Variants in CLEC16A observed in about 807,000 individuals in gnomAD.
CLEC16A encodes protein CLEC16A.
In CLEC16A, 51 loss-of-function variants were observed where a neutral mutation model predicts 109.5. The ratio of observed to expected loss-of-function variants is 0.47; its 90% CI spans 0.37 to 0.59. CLEC16A has a LOEUF of 0.59. Among genes scored for constraint, CLEC16A ranks in the 20% least tolerant of loss-of-function variants. The pLI is 0.00. For missense variants in CLEC16A, 1,339 were observed against 1,394.0 expected, an observed-to-expected ratio of 0.96 and a Z score of 0.63; for synonymous variants, 673 against 564.2, an observed-to-expected ratio of 1.19 and a Z score of -2.73.
At chr16:11,063,880 C>G (rs2048624457) in intron 19 of CLEC16A, among the ~76,000 whole-genome samples, 1 of 149,988 alleles carries the variant, frequency 6.7e-6, no homozygotes, top group African/African-American at 2.5e-5. Flanking sequence ...CCACGTGTGC[C>G]ACATCTGCTG....
chr16:11,108,301 C>T (rs1016605549), intron 19 of CLEC16A, among the ~76,000 whole-genome samples: 1 of 152,254 alleles, frequency 6.6e-6, no homozygotes, highest in African/African-American at 2.4e-5. Flanking sequence ...ATTTCCTAAG[C>T]CAAAGAAGGA....
rs2068836340 is a variant in CLEC16A at position 11,178,240 on chromosome 16, CA to C, written c.2807-94del. 1 of 1,146,764 alleles carries C rather than the reference CA, an allele frequency of 8.7e-7. No individual in the cohort carries two copies. Among genetic ancestry groups the C allele is most frequent in the African/African-American group, 1.5e-5 (1 of 65,226 alleles). The allele number at this position is 1,146,764 out of a possible 1,614,324, so 71.0% of individuals were successfully genotyped here. A position where few individuals can be genotyped will look rare whatever the true frequency, so the allele number is the denominator to read the frequency against. On this transcript the variant is annotated intron_variant, in intron 23 of 23. Transcript: ENST00000409790. The surrounding 1 kb of genome is among the most constrained non-coding windows in gnomAD (Gnocchi z 6.5). ...CCAGCCAGCCACCTCCCACCTAGCT[CA>C]CCAGGGCCGCGGTTCAGGATGGGAG...
At chr16:11,083,967 C>T (rs12708715) in intron 19 of CLEC16A, among the ~76,000 whole-genome samples, 58,593 of 152,078 alleles carry the variant, frequency 0.39, 12,112 homozygotes, top group African/African-American at 0.55. Flanking sequence ...ACAGCACTGC[C>T]TCTGTCCCAG....
At chr16:11,072,559 A>G (rs2049133867) in intron 19 of CLEC16A, among the ~76,000 whole-genome samples, 1 of 152,340 alleles carries the variant, frequency 6.6e-6, no homozygotes, top group African/African-American at 2.4e-5. Context: ...CTGGAGCCCC[A>G]GATTTAGAAA....
chr16:11,060,501 G>A (rs1005626569), intron 18 of CLEC16A, among the ~76,000 whole-genome samples: 1 of 152,188 alleles, frequency 6.6e-6, no homozygotes, highest in African/African-American at 2.4e-5. Context: ...CAGACTCAGG[G>A]TCTAGCCCTT....
At chr16:11,169,884 C>T (rs1348285445) in intron 23 of CLEC16A, among the ~76,000 whole-genome samples, 1 of 152,178 alleles carries the variant, frequency 6.6e-6, no homozygotes, top group Non-Finnish European at 1.5e-5. Flanking sequence ...TTGAGCCCAC[C>T]TGTGCCAGAC....
chr16:11,156,239 G>A (rs927550210), intron 22 of CLEC16A, among the ~76,000 whole-genome samples: 15 of 152,102 alleles, frequency 9.9e-5, no homozygotes, highest in South Asian at 6.2e-4. Context: ...GCATGGTGGC[G>A]CACACCTGCA....
rs79658013 is a variant in CLEC16A at position 10,972,358 on chromosome 16, A to G, written c.599-196A>G. The G allele has an allele frequency of 3.0e-3, 1,782 of 586,394 alleles. 14 individuals carry two copies. Among genetic ancestry groups the G allele is most frequent in the African/African-American group, 0.012 (655 of 52,908 alleles). 36.3% of individuals were successfully genotyped at this position (586,394 alleles called of 1,614,324 possible). ...GCTTGTAAGATTGTGACCCTGGTCC[A>G]AGCCACAGTTGGTTCTGCTGCCTCC... is the stretch of plus-strand genomic sequence containing the variant. On this transcript the variant is annotated intron_variant, in intron 5 of 23. Coordinates refer to ENST00000409790, the MANE Select transcript of CLEC16A (RefSeq NM_015226.3).
chr16:11,036,702 C>T (rs961933292), intron 13 of CLEC16A, among the ~76,000 whole-genome samples: 2 of 151,990 alleles, frequency 1.3e-5, no homozygotes, highest in African/African-American at 4.8e-5. Flanking sequence ...GGCATGTGCA[C>T]TACACCCAGC....
chr16:11,083,985 T>C (rs1460503253), intron 19 of CLEC16A, among the ~76,000 whole-genome samples: 1 of 152,190 alleles, frequency 6.6e-6, no homozygotes. Context: ...CAGCCCCCCA[T>C]TGCTGGTTTT....
intron 10 of CLEC16A, among the ~76,000 whole-genome samples, chr16:10,985,547 CT>C (rs61260965): frequency 0.42 from 60,381 of 144,504 alleles, 13,755 homozygotes; most frequent in East Asian, 0.69. Context: ...TCCCTCGGGA[CT>C]TTTTTTTTTT....
intron 23 of CLEC16A, among the ~76,000 whole-genome samples, chr16:11,170,477 C>G (rs1751250901): frequency 6.6e-6 from 1 of 152,220 alleles, no homozygotes; most frequent in Admixed American, 6.5e-5. Context: ...TTTGAAAACT[C>G]TCCACATTTA....
intron 18 of CLEC16A, among the ~76,000 whole-genome samples, chr16:11,054,362 G>A (rs2048102133): frequency 6.6e-6 from 1 of 152,202 alleles, no homozygotes; most frequent in Non-Finnish European, 1.5e-5. Context: ...GTTATCGTGA[G>A]GACTCGGCAG....
intron 11 of CLEC16A, among the ~76,000 whole-genome samples, chr16:11,003,861 G>T (rs934897081): frequency 6.6e-6 from 1 of 151,684 alleles, no homozygotes; most frequent in Non-Finnish European, 1.5e-5. Context: ...TAGGCCGAGT[G>T]CAGTGGCTCA....
chr16:11,141,121 T>C (rs1314015620), intron 22 of CLEC16A, among the ~76,000 whole-genome samples: 1 of 151,982 alleles, frequency 6.6e-6, no homozygotes, highest in Non-Finnish European at 1.5e-5. Context: ...CTGGCTGGAG[T>C]CACTTGCAGA....
intron 5 of CLEC16A, chr16:10,971,569 T>C (rs1410776364): frequency 1.0e-6 from 1 of 972,910 alleles, no homozygotes; most frequent in African/African-American, 1.8e-5. Context: ...GTGTCTTGGC[T>C]TGTGAAATAT....
chr16:11,161,778 A>G (rs1197465237), intron 22 of CLEC16A, among the ~76,000 whole-genome samples: 1 of 152,238 alleles, frequency 6.6e-6, no homozygotes, highest in African/African-American at 2.4e-5. Context: ...TCATTTTTTA[A>G]GAAAGCAGAA....
At chr16:11,103,122 A>G (rs1475952484) in intron 19 of CLEC16A, among the ~76,000 whole-genome samples, 2 of 152,188 alleles carry the variant, frequency 1.3e-5, no homozygotes, top group Non-Finnish European at 2.9e-5. Context: ...AAGAGCCTCA[A>G]ACCCCAGAGG....
chr16:11,177,044 T>G (rs1291792241), intron 23 of CLEC16A, among the ~76,000 whole-genome samples: 1 of 152,266 alleles, frequency 6.6e-6, no homozygotes, highest in Non-Finnish European at 1.5e-5. Flanking sequence ...TCTACCATGC[T>G]TCCCGGGTCC....
Sources: gnomAD v4.1 joint callset for allele counts (sites outside exome capture counted in the v4.1 genomes callset) on GRCh38, gnomAD v4.1.1 for gene constraint, Gnocchi (gnomAD v3.1) non-coding constraint, MANE v1.5 for transcripts, NCBI Gene and HGNC (gene_info 2026-07-23, HGNC 2026-07-21) for gene names.